Variants in LPCAT4 observed in about 807,000 individuals in gnomAD.
LPCAT4 encodes the protein lysophospholipid acyltransferase LPCAT4.
In LPCAT4, 30 loss-of-function variants were observed where a neutral mutation model predicts 66.5. That is an observed-to-expected ratio of 0.45 (90% CI 0.34 to 0.61). The LOEUF is 0.61. LPCAT4 is among the 20% of genes least tolerant of loss of function. The pLI is 0.01. For missense variants in LPCAT4, 557 were observed against 656.7 expected (o/e 0.85, Z 1.66); for synonymous variants, 253 against 262.1 (o/e 0.97, Z 0.34).
Position 34,359,100 on chromosome 15 carries a change from G to A in LPCAT4, c.*27C>T. On this transcript the variant is annotated 3_prime_UTR_variant, in exon 14 of 14. Coordinates refer to ENST00000314891, the MANE Select transcript of LPCAT4 (RefSeq NM_153613.3). ...GGGGAGGCCCCTAGCGCTGCCCTGA[G>A]GAGGAGGGGGTGAGAGGCTGAGGCA... 1.9e-6 allele frequency: 3 copies of A among 1,587,394 alleles called. No homozygotes were observed. The highest frequency in any genetic ancestry group is 2.6e-6 in the Non-Finnish European group (3 of 1,166,892).
intron 3 of LPCAT4, 171 bp downstream of exon 3, chr15:34,364,837 T>C (rs13379690): frequency 0.034 from 21,086 of 613,768 alleles, 2,673 homozygotes; most frequent in African/African-American, 0.3. Context: ...ACCTTCTCTC[T>C]GTCCCAGCCC....
intron 9 of LPCAT4, 117 bp downstream of exon 9, chr15:34,362,456 A>G (rs1890969370): frequency 7.1e-7 from 1 of 1,414,378 alleles, no homozygotes; most frequent in African/African-American, 1.4e-5. Flanking sequence ...CAGCTGTTCA[A>G]GAGCCCTTCC....
chr15:34,362,739 A>T (rs1211447382), intron 8 of LPCAT4, 43 bp downstream of exon 8: 2 of 1,612,682 alleles, frequency 1.2e-6, no homozygotes, highest in Non-Finnish European at 1.7e-6. Flanking sequence ...AGGTTTCAGG[A>T]GTCTGAGATG....
Position 34,367,093 on chromosome 15 carries a change from T to G in LPCAT4, c.8A>C (p.Gln3Pro). The G allele has an allele frequency of 6.5e-7, 1 of 1,545,508 alleles. No individual in the cohort carries two copies. MS[Q>P]GSPGDWAPLD... ...GGGGGCCCAGTCCCCCGGACTTCCCTGGCTCATGGCGGGAGAAGGTGGGAG... is the reference window on the plus strand; with the variant it reads ...GGGGGCCCAGTCCCCCGGACTTCCCGGGCTCATGGCGGGAGAAGGTGGGAG... Residue 3 changes from glutamine (Q) to proline (P), a missense_variant, in exon 1 of 14, where the codon CAG (glutamine) becomes CCG (proline). By Grantham distance (76) the Gln-to-Pro change is moderately conservative. Around this residue, in one of 4 missense-constraint regions of LPCAT4, gnomAD observed 94 missense variants for 71.5 expected, o/e 1.32. Coordinates refer to ENST00000314891, the MANE Select transcript of LPCAT4 (RefSeq NM_153613.3).
intron 2 of LPCAT4, 71 bp from the exon 3 acceptor site, chr15:34,365,299 C>T (rs1293574004): frequency 8.8e-6 from 13 of 1,472,810 alleles, no homozygotes; most frequent in Admixed American, 4.0e-5. Context: ...GTTCAGACAC[C>T]GGGAAAGTAG....
At chr15:34,361,995 G>C (rs1208630071) in intron 10 of LPCAT4, among the ~76,000 whole-genome samples, 1 of 152,110 alleles carries the variant, frequency 6.6e-6, no homozygotes, top group Non-Finnish European at 1.5e-5. Context: ...CACCGTGCCC[G>C]GCCCCTTCTT....
chr15:34,365,793 C>G (rs183439958), intron 1 of LPCAT4, 92 bp from the exon 2 acceptor site: 11 of 1,442,698 alleles, frequency 7.6e-6, no homozygotes, highest in African/African-American at 4.2e-5. Flanking sequence ...CAGGAGCAGA[C>G]AGCCATCATC....
intron 12 of LPCAT4, 104 bp from the exon 13 acceptor site, chr15:34,359,849 G>A: frequency 3.2e-6 from 4 of 1,251,550 alleles, no homozygotes; most frequent in Non-Finnish European, 3.3e-6. Context: ...AAAGGGTGGT[G>A]CACAAGCCTT....
intron 1 of LPCAT4, 44 bp from the exon 2 acceptor site, chr15:34,365,745 C>T (rs763750032): frequency 5.7e-5 from 92 of 1,603,496 alleles, no homozygotes; most frequent in Admixed American, 1.7e-5. Context: ...CTTGGATATG[C>T]TCCCTCCACA....
chr15:34,362,329 A>G lies in LPCAT4; in HGVS notation c.885-8T>C. 2.5e-6 allele frequency: 4 copies of G among 1,614,054 alleles called. No homozygotes were observed. Among genetic ancestry groups the G allele is most frequent in the Admixed American group, 3.3e-5 (2 of 60,016 alleles). ...GCTGGAATGCCCAGAGCCCTACAGG[A>G]TGAAGAGGGATGGGATGGAGGGTAA... On this transcript the variant is annotated splice_region_variant and splice_polypyrimidine_tract_variant and intron_variant, in intron 9 of 13. Coordinates refer to ENST00000314891, the MANE Select transcript of LPCAT4 (RefSeq NM_153613.3).
chr15:34,363,675 A>G lies in LPCAT4; in HGVS notation c.697T>C (p.Tyr233His). 6.2e-7 allele frequency: 1 copy of G among 1,614,148 alleles called. No homozygotes were observed. Among genetic ancestry groups the G allele is most frequent in the Non-Finnish European group, 8.5e-7 (1 of 1,180,034 alleles). The change falls in exon 6 of 14, where the codon TAC becomes CAC. Residue 233 changes from tyrosine (Y) to histidine (H), a missense_variant. By Grantham distance (83) the Tyr-to-His change is moderately conservative. Transcript: ENST00000314891. The surrounding 1 kb of genome is among the most constrained non-coding windows in gnomAD (Gnocchi z 4.3). ...GVPVQPVLIR[Y>H]PNSLDTTSWA... The stretch of plus-strand genomic sequence containing the variant: ...CTAAGACTCACCAGACTGTTGGGGT[A>G]GCGGATGAGGACAGGCTGCACAGGC...
intron 7 of LPCAT4, 67 bp from the exon 8 acceptor site, chr15:34,362,903 C>T: frequency 6.6e-7 from 1 of 1,509,670 alleles, no homozygotes; most frequent in African/African-American, 1.4e-5. Flanking sequence ...GCTCCCACAC[C>T]CCACTCCCCT....
chr15:34,359,472 C>T (rs1890889370), intron 13 of LPCAT4, 117 bp downstream of exon 13: 16 of 1,397,704 alleles, frequency 1.1e-5, no homozygotes, highest in Non-Finnish European at 1.2e-5. Context: ...CCTTACTTCT[C>T]ATAGGTTCTG....
At chr15:34,365,460 AAT>A in intron 2 of LPCAT4, 97 bp downstream of exon 2, 1 of 1,533,132 alleles carries the variant, frequency 6.5e-7, no homozygotes, top group Non-Finnish European at 8.9e-7. Context: ...AGCTAGACAG[AAT>A]AGTTTCAGAA....
At chr15:34,364,708 C>T in intron 3 of LPCAT4, 1 of 340,112 alleles carries the variant, frequency 2.9e-6, no homozygotes, top group Non-Finnish European at 5.4e-6. Context: ...CCCGCCTTGG[C>T]CTCCCAACGT....
rs140357996 is a variant in LPCAT4 at position 34,360,092 on chromosome 15, C to G, written c.1242+19G>C. The G allele has an allele frequency of 1.3e-6, 2 of 1,583,086 alleles. No homozygotes were observed. The highest frequency in any genetic ancestry group is 1.7e-6 in the Non-Finnish European group (2 of 1,153,596). On this transcript the variant is annotated intron_variant, in intron 12 of 13. Transcript: ENST00000314891. ...AGCATAGCCACTAAGCACCCCCCAC[C>G]ACCGCCACCCCCCATTACCTCAAAG...
chr15:34,364,061 G>GAAAGAATAGCACCTGGGGT lies in LPCAT4; in HGVS notation c.592-7_603dup (p.Pro202ThrfsTer8). On this transcript the variant is annotated frameshift_variant, in exon 5 of 14. Coordinates refer to ENST00000314891, the MANE Select transcript of LPCAT4 (RefSeq NM_153613.3). LOFTEE classifies it high-confidence loss of function. ...TTCTTGTTGGAACAGGTGCCCTCAG[G>GAAAGAATAGCACCTGGGGT]AAAGAATAGCACCTGGGGTAAAAAA... The GAAAGAATAGCACCTGGGGT allele has an allele frequency of 6.2e-7, 1 of 1,613,214 alleles. No homozygotes were observed. The highest frequency in any genetic ancestry group is 8.5e-7 in the Non-Finnish European group (1 of 1,179,196).
chr15:34,367,182 C>CTCTGCAGAGT lies in LPCAT4; in HGVS notation c.-83_-82insACTCTGCAGA. The CTCTGCAGAGT allele has an allele frequency of 3.2e-6, 4 of 1,238,860 alleles. No individual in the cohort carries two copies. Among genetic ancestry groups the CTCTGCAGAGT allele is most frequent in the South Asian group, 2.1e-5 (1 of 48,038 alleles). The allele number at this position is 1,238,860 out of a possible 1,614,324, so 76.7% of individuals were successfully genotyped here. A position where few individuals can be genotyped will look rare whatever the true frequency, so the allele number is the denominator to read the frequency against. The stretch of plus-strand genomic sequence containing the variant: ...AGAGCAGCTGCTGCTGCAGCAGCGG[C>CTCTGCAGAGT]GGCGGCGGCGCTCTGGCCCGGGCCC... On this transcript the variant is annotated 5_prime_UTR_variant, in exon 1 of 14. Transcript: ENST00000314891.
At position 34,364,297 on chromosome 15, in the gene LPCAT4, C is replaced by A; in HGVS notation, c.488G>T (p.Arg163Leu). 1.2e-6 allele frequency: 2 copies of A among 1,611,624 alleles called. No homozygotes were observed. The highest frequency in any genetic ancestry group is 2.2e-5 in the South Asian group (2 of 91,006). ...LSVPVIGALL[R>L]FNQAILVSRH... ...GGATACCAGGATGGCTTGGTTGAAT[C>A]GAAGAAGGGCTGGGGTTGGGAAGGA... The change falls in exon 4 of 14, where the codon CGA becomes CTA. Residue 163 changes from arginine to leucine, a missense_variant. This residue lies in a region of LPCAT4 where 392 missense variants were observed against 473.9 expected (regional missense o/e 0.83). Transcript: ENST00000314891.
Sources: gnomAD v4.1 joint callset for allele counts (sites outside exome capture counted in the v4.1 genomes callset) on GRCh38, gnomAD v4.1.1 for gene constraint, gnomAD v4.1.1 regional missense constraint, Gnocchi (gnomAD v3.1) non-coding constraint, MANE v1.5 for transcripts, NCBI Gene and HGNC (gene_info 2026-07-23, HGNC 2026-07-21) for gene names.